IFT80: variants seen among roughly 807,000 people sequenced by gnomAD.
IFT80 encodes the protein intraflagellar transport 80, also known as intraflagellar transport protein 80 homolog.
A neutral mutation model predicts 107.9 loss-of-function variants in IFT80; 79 were observed. The observed-to-expected ratio is 0.73, with a 90% CI of 0.61 to 0.88. IFT80 has a LOEUF of 0.88. Among genes scored for constraint, IFT80 ranks in the 40% least tolerant of loss-of-function variants. IFT80 has a pLI of 0.00. For missense variants in IFT80, 797 were observed against 914.2 expected (o/e 0.87, Z 1.65); for synonymous variants, 299 against 300.9 (o/e 0.99, Z 0.07).
In IFT80 at chr3:160,310,967, C is replaced by A. The variant is rs1281556441; in HGVS notation, c.958-3186G>T. Among the ~76,000 whole-genome samples the A allele has an allele frequency of 4.0e-5, 6 of 151,626 alleles. No individual in the cohort carries two copies. The East Asian group carries it at 7.7e-4, about 20-fold the overall frequency. On this transcript the variant is annotated intron_variant, in intron 9 of 19. Coordinates refer to ENST00000326448, the MANE Select transcript of IFT80 (RefSeq NM_020800.3). ...AGACCCTGTCTCTACAAAAAACAAA[C>A]AAAAAAAATTAGCTAGGTGTGGTGG...
At chr3:160,354,791 T>C (rs1456811857) in intron 8 of IFT80, among the ~76,000 whole-genome samples, 3 of 152,228 alleles carry the variant, frequency 2.0e-5, no homozygotes, top group African/African-American at 7.2e-5. Context: ...CAAAAGCCAG[T>C]GTTCAATGTG....
At chr3:160,343,845 A>T (rs900078240) in intron 8 of IFT80, 2 of 291,090 alleles carry the variant, frequency 6.9e-6, no homozygotes, top group Non-Finnish European at 6.8e-6. Context: ...TATTTTATTT[A>T]TTGATTTTCT....
intron 8 of IFT80, among the ~76,000 whole-genome samples, chr3:160,336,591 ATGTGTGTG>A (rs111936021): frequency 6.7e-6 from 1 of 149,460 alleles, no homozygotes; most frequent in Non-Finnish European, 1.5e-5. Flanking sequence ...ACATGTGTGT[ATGTGTGTG>A]TGTGTGTGTA....
At chr3:160,265,590 A>C (rs1316339264) in intron 19 of IFT80, among the ~76,000 whole-genome samples, 1 of 152,196 alleles carries the variant, frequency 6.6e-6, no homozygotes, top group East Asian at 1.9e-4. Context: ...GACCAAGTAC[A>C]ATAACTCTAA....
chr3:160,342,513 G>T lies in IFT80; in HGVS notation c.777+13500C>A, dbSNP rs564802590. Among the ~76,000 whole-genome samples the T allele has an allele frequency of 1.2e-4, 18 of 152,234 alleles. No individual in the cohort carries two copies. In the South Asian group the frequency reaches 3.5e-3, roughly 30 times the overall value. On this transcript the variant is annotated intron_variant, in intron 8 of 19. Coordinates refer to ENST00000326448, the MANE Select transcript of IFT80 (RefSeq NM_020800.3). Reference sequence around the variant, plus strand: ...ATATTTAAACTAAAAAACATGACTTGACTATAAGGACTTTTAAAAGTATCT... The same window carrying T: ...ATATTTAAACTAAAAAACATGACTTTACTATAAGGACTTTTAAAAGTATCT...
chr3:160,369,196 A>G (rs1316217611), intron 5 of IFT80, among the ~76,000 whole-genome samples: 1 of 152,030 alleles, frequency 6.6e-6, no homozygotes, highest in Non-Finnish European at 1.5e-5. Context: ...TATATAATAA[A>G]AGAAAATAAG....
intron 13 of IFT80, 24 bp downstream of exon 13, chr3:160,285,779 AT>A: frequency 6.9e-7 from 1 of 1,458,728 alleles, no homozygotes; most frequent in Non-Finnish European, 9.6e-7. Flanking sequence ...GGCTATTTAC[AT>A]TAGAAGTAGT....
At chr3:160,328,654 A>G (rs1233214022) in intron 8 of IFT80, among the ~76,000 whole-genome samples, 2 of 152,110 alleles carry the variant, frequency 1.3e-5, no homozygotes, top group Non-Finnish European at 2.9e-5. Flanking sequence ...ATATACCCAA[A>G]GGAATATAAA....
intron 6 of IFT80, among the ~76,000 whole-genome samples, chr3:160,359,584 A>T (rs1432215236): frequency 6.6e-6 from 1 of 152,172 alleles, no homozygotes; most frequent in Non-Finnish European, 1.5e-5. Context: ...TTAGGGGCCG[A>T]TTGACACCTC....
At chr3:160,313,759 G>A (rs559657199) in intron 9 of IFT80, among the ~76,000 whole-genome samples, 1 of 152,060 alleles carries the variant, frequency 6.6e-6, no homozygotes, top group South Asian at 2.1e-4. Context: ...ACAGGCACAA[G>A]CCACCACGCC....
At chr3:160,366,013 G>C in intron 6 of IFT80, 30 bp downstream of exon 6, 1 of 1,544,872 alleles carries the variant, frequency 6.5e-7, no homozygotes, top group South Asian at 1.1e-5. Context: ...GGCAGACCCT[G>C]ATAACAATTT....
At chr3:160,331,389 T>C (rs1029666044) in intron 8 of IFT80, among the ~76,000 whole-genome samples, 4 of 152,184 alleles carry the variant, frequency 2.6e-5, no homozygotes, top group Non-Finnish European at 5.9e-5. Flanking sequence ...TGCATTCTTT[T>C]CTCTAGAATT....
At chr3:160,306,744 G>A (rs1254493396) in intron 10 of IFT80, among the ~76,000 whole-genome samples, 1 of 152,126 alleles carries the variant, frequency 6.6e-6, no homozygotes, top group East Asian at 1.9e-4. Flanking sequence ...TAAATATATA[G>A]TTGTAGCAGT....
chr3:160,369,348 T>C (rs1013217647), intron 5 of IFT80, among the ~76,000 whole-genome samples: 2 of 151,976 alleles, frequency 1.3e-5, no homozygotes, highest in African/African-American at 2.4e-5. Flanking sequence ...GGACTCATAG[T>C]TACTCTCCTT....
intron 11 of IFT80, among the ~76,000 whole-genome samples, chr3:160,301,473 C>T (rs1355121310): frequency 2.0e-5 from 3 of 151,552 alleles, no homozygotes; most frequent in Admixed American, 2.0e-4. Context: ...AAAGATTATG[C>T]TAAAAATAAT....
At chr3:160,399,084 T>G (rs1210190261) in intron 1 of IFT80, 62 bp downstream of exon 1, 1 of 152,196 alleles carries the variant, frequency 6.6e-6, no homozygotes, top group Non-Finnish European at 1.5e-5. Context: ...AAAGATGGGA[T>G]CCAGTGATGG....
intron 7 of IFT80, 45 bp from the exon 8 acceptor site, chr3:160,356,195 G>T (rs577859011): frequency 1.9e-6 from 3 of 1,539,878 alleles, no homozygotes; most frequent in Non-Finnish European, 2.7e-6. Context: ...TCAGGGAGAA[G>T]TTTGCAAAAA....
intron 1 of IFT80, among the ~76,000 whole-genome samples, chr3:160,395,231 T>G (rs1713684659): frequency 6.6e-6 from 1 of 152,230 alleles, no homozygotes; most frequent in Admixed American, 6.5e-5. Flanking sequence ...CTGGCTTATC[T>G]TCATGAAGAT....
At chr3:160,328,543 CGGT>C (rs901385853) in intron 8 of IFT80, among the ~76,000 whole-genome samples, 1 of 149,908 alleles carries the variant, frequency 6.7e-6, no homozygotes, top group African/African-American at 2.5e-5. Flanking sequence ...TTTACACTGT[CGGT>C]GGGAGTGTAA....
Sources: gnomAD v4.1 joint callset for allele counts (sites outside exome capture counted in the v4.1 genomes callset) on GRCh38, gnomAD v4.1.1 for gene constraint, MANE v1.5 for transcripts, NCBI Gene and HGNC (gene_info 2026-07-23, HGNC 2026-07-21) for gene names.